KDM4C: variants seen among roughly 807,000 people sequenced by gnomAD.
KDM4C encodes the protein lysine demethylase 4C, also known as lysine-specific demethylase 4C.
In KDM4C, 81 loss-of-function variants were observed where a neutral mutation model predicts 129.3. The observed-to-expected ratio is 0.63, with a 90% CI of 0.52 to 0.75. The LOEUF is 0.75. Ranked by LOEUF, KDM4C falls within the 30% of genes least tolerant of loss-of-function variation. The pLI is 0.00. For missense variants in KDM4C, 1,457 were observed against 1,304.0 expected, an observed-to-expected ratio of 1.12 and a Z score of -1.81; for synonymous variants, 573 against 456.1, an observed-to-expected ratio of 1.26 and a Z score of -3.26.
chr9:7,097,309 C>T (rs917071883), intron 17 of KDM4C, among the ~76,000 whole-genome samples: 1 of 152,214 alleles, frequency 6.6e-6, no homozygotes, highest in African/African-American at 2.4e-5. Flanking sequence ...CACATAGCAT[C>T]TAAACTCCGA....
intron 8 of KDM4C, chr9:6,973,683 G>T (rs1196543400): frequency 6.6e-6 from 1 of 151,972 alleles, no homozygotes; most frequent in African/African-American, 2.4e-5. Context: ...TTCTATTCTG[G>T]GAATTTTATT....
intron 12 of KDM4C, among the ~76,000 whole-genome samples, chr9:7,010,057 A>G (rs1822411125): frequency 6.6e-6 from 1 of 152,222 alleles, no homozygotes. Flanking sequence ...TATGCACACA[A>G]ACATGGATGT....
At chr9:7,140,952 A>G (rs1459009484) in intron 19 of KDM4C, among the ~76,000 whole-genome samples, 3 of 152,222 alleles carry the variant, frequency 2.0e-5, no homozygotes, top group African/African-American at 7.2e-5. Context: ...GAGTTCACTA[A>G]ACACAGGGCA....
At chr9:7,157,952 C>G (rs903342091) in intron 19 of KDM4C, among the ~76,000 whole-genome samples, 1 of 152,210 alleles carries the variant, frequency 6.6e-6, no homozygotes, top group South Asian at 2.1e-4. Context: ...CTTTGTACCT[C>G]TGATAGAATT....
intron 4 of KDM4C, chr9:6,834,314 G>A (rs1835457621): frequency 3.5e-6 from 1 of 289,228 alleles, no homozygotes; most frequent in Non-Finnish European, 6.8e-6. Flanking sequence ...TGAGATTACA[G>A]CATGAGCCAC....
intron 8 of KDM4C, among the ~76,000 whole-genome samples, chr9:6,911,182 G>A (rs1819234408): frequency 6.6e-6 from 1 of 151,922 alleles, no homozygotes; most frequent in Admixed American, 6.6e-5. Context: ...ATTATGTATA[G>A]CTCTATTAAT....
At chr9:6,876,617 T>C (rs1316267652) in intron 5 of KDM4C, among the ~76,000 whole-genome samples, 1 of 152,200 alleles carries the variant, frequency 6.6e-6, no homozygotes, top group Non-Finnish European at 1.5e-5. Flanking sequence ...ATTAGAGTTG[T>C]GTTTGGCTTC....
At chr9:6,834,859 CA>C in intron 4 of KDM4C, 1 of 1,353,020 alleles carries the variant, frequency 7.4e-7, no homozygotes, top group Non-Finnish European at 1.1e-6. Flanking sequence ...TGTACATGGC[CA>C]TCCAGCCCGT....
At chr9:7,162,758 G>C (rs534997304) in intron 19 of KDM4C, among the ~76,000 whole-genome samples, 4 of 152,046 alleles carry the variant, frequency 2.6e-5, no homozygotes, top group Non-Finnish European at 5.9e-5. Flanking sequence ...AGGGGAGGCC[G>C]TAACTCTCCT....
intron 15 of KDM4C, among the ~76,000 whole-genome samples, chr9:7,027,689 T>C (rs1826029797): frequency 6.6e-6 from 1 of 152,204 alleles, no homozygotes; most frequent in Non-Finnish European, 1.5e-5. Context: ...TGGTGAGTTG[T>C]TGTGGGCCCA....
At chr9:7,148,329 CG>C (rs1301980206) in intron 19 of KDM4C, among the ~76,000 whole-genome samples, 2 of 152,160 alleles carry the variant, frequency 1.3e-5, no homozygotes, top group African/African-American at 2.4e-5. Context: ...TGCGGTGAGC[CG>C]GGGGGCCATG....
chr9:6,889,582 C>T (rs1467094315), intron 7 of KDM4C, among the ~76,000 whole-genome samples: 1 of 152,122 alleles, frequency 6.6e-6, no homozygotes, highest in African/African-American at 2.4e-5. Context: ...TCTGCAGACA[C>T]CTCTGGGCAC....
intron 18 of KDM4C, among the ~76,000 whole-genome samples, chr9:7,116,507 C>G (rs1838912593): frequency 6.6e-6 from 1 of 152,090 alleles, no homozygotes; most frequent in African/African-American, 2.4e-5. Context: ...CCAGTTCTTT[C>G]CCATCCTGCC....
In KDM4C at chr9:6,929,471, CTTTTTTTTT is replaced by C. The variant is rs59537472; in HGVS notation, c.921+36250_921+36258del. 1.2e-3 allele frequency among the ~76,000 whole-genome samples: 159 copies of C among 127,548 alleles called. 3 individuals are homozygous for C. The East Asian group carries it at 0.015, about 12-fold the overall frequency. The allele number at this position is 127,548 out of a possible 152,430, so 83.7% of individuals were successfully genotyped here. A position where few individuals can be genotyped will look rare whatever the true frequency, so the allele number is the denominator to read the frequency against. ...TACACTTTATCCTGTTTGACTTTTT[CTTTTTTTTT>C]TTTTTTTTTTGGCAACAATTCAGTA... On this transcript the variant is annotated intron_variant, in intron 8 of 21. Coordinates refer to ENST00000381309, the MANE Select transcript of KDM4C (RefSeq NM_015061.6).
chr9:6,920,405 A>C (rs997650312), intron 8 of KDM4C, among the ~76,000 whole-genome samples: 1 of 152,172 alleles, frequency 6.6e-6, no homozygotes, highest in Non-Finnish European at 1.5e-5. Context: ...CTACTAAACT[A>C]CAAAAAAATT....
chr9:6,728,456 C>T (rs1817215625), intron 1 of KDM4C, among the ~76,000 whole-genome samples: 2 of 152,056 alleles, frequency 1.3e-5, no homozygotes, highest in Admixed American at 1.3e-4. Flanking sequence ...ATTGCTTAAA[C>T]TCAGGAGGCA....
intron 8 of KDM4C, among the ~76,000 whole-genome samples, chr9:6,960,132 G>A (rs1354133698): frequency 2.0e-5 from 3 of 152,020 alleles, no homozygotes; most frequent in Non-Finnish European, 4.4e-5. Context: ...AAAAAGCTTG[G>A]CCAATATTCC....
chr9:6,887,309 A>G (rs1271397191), intron 6 of KDM4C, among the ~76,000 whole-genome samples: 1 of 152,196 alleles, frequency 6.6e-6, no homozygotes, highest in East Asian at 1.9e-4. Context: ...CTTGGCGTAT[A>G]ATATACTGTT....
chr9:6,966,244 G>A (rs1167130843), intron 8 of KDM4C, among the ~76,000 whole-genome samples: 4 of 152,084 alleles, frequency 2.6e-5, no homozygotes, highest in South Asian at 2.1e-4. Context: ...GTGCAGTGGC[G>A]GGATCTCGGC....
Sources: gnomAD v4.1 joint callset for allele counts (sites outside exome capture counted in the v4.1 genomes callset) on GRCh38, gnomAD v4.1.1 for gene constraint, MANE v1.5 for transcripts, NCBI Gene and HGNC (gene_info 2026-07-23, HGNC 2026-07-21) for gene names.